The following NT5E variants were observed in gnomAD, a reference collection of about 807,000 sequenced individuals.
The protein encoded by NT5E is 5'-nucleotidase.
NT5E carries 53 observed loss-of-function variants against 55.1 expected under a neutral mutation model. That is an observed-to-expected ratio of 0.96 (90% CI 0.77 to 1.21). The LOEUF (loss-of-function observed/expected upper bound fraction) is 1.21. Among genes scored for constraint, NT5E ranks in the 50% most tolerant of loss-of-function variants. The probability of loss-of-function intolerance (pLI) is 0.00; values close to 1 mark genes in which losing one functional copy is unlikely to be tolerated. For synonymous variants in NT5E, 270 were observed against 278.4 expected (o/e 0.97, Z 0.30); for missense variants, 683 against 724.3 (o/e 0.94, Z 0.65).
rs1205839872 is a variant in NT5E, at chr6:85,487,320, T to A, written c.950-15T>A. The A allele has an allele frequency of 6.2e-7, 1 of 1,610,452 alleles. No individual in the cohort carries two copies. The highest frequency in any genetic ancestry group is 8.5e-7 in the Non-Finnish European group (1 of 1,176,716). On this transcript the variant is annotated splice_polypyrimidine_tract_variant and intron_variant, in intron 4 of 8. Transcript: ENST00000257770. ...TGAGATTTAATTGTAGGGTACCTTC[T>A]TTTCTTTCTTCTAGATCCAAGCATA...
chr6:85,459,423 C>A (rs1483036659), intron 1 of NT5E, among the ~76,000 whole-genome samples: 1 of 152,158 alleles, frequency 6.6e-6, no homozygotes, highest in African/African-American at 2.4e-5. Flanking sequence ...CAAAAAAATT[C>A]TTTTCTTCTG....
In NT5E at chr6:85,467,135, A is replaced by G. The variant is rs751654960; in HGVS notation, c.415A>G (p.Ile139Val). 6.2e-7 allele frequency: 1 copy of G among 1,614,168 alleles called. No homozygotes were observed. The highest frequency in any genetic ancestry group is 1.1e-5 in the South Asian group (1 of 91,072). Residue 139 changes from isoleucine (I) to valine (V), a missense_variant, in exon 2 of 9, where the codon ATT becomes GTT. Transcript: ENST00000257770. ...EPLLKEAKFP[I>V]LSANIKAKGP... ...ACTCCTCAAAGAGGCCAAATTTCCAATTCTGAGTGCAAACATTAAAGCAAA... is the reference window on the plus strand; with the variant it reads ...ACTCCTCAAAGAGGCCAAATTTCCAGTTCTGAGTGCAAACATTAAAGCAAA...
chr6:85,487,838 T>A (rs1769700514), intron 5 of NT5E, among the ~76,000 whole-genome samples: 1 of 152,164 alleles, frequency 6.6e-6, no homozygotes, highest in African/African-American at 2.4e-5. Flanking sequence ...CTTCTTAAGG[T>A]GCTGGAAGGA....
In NT5E at chr6:85,453,614, T is replaced by TA. The variant is rs1768933492; in HGVS notation, c.339+3137dup. On this transcript the variant is annotated intron_variant, in intron 1 of 8. Transcript: ENST00000257770. The stretch of plus-strand genomic sequence containing the variant: ...TCACCAAGACAGGCTGTGGGGAAGG[T>TA]AGCTTTGAGCAGGTCTCTAGGGTCC... Among the ~76,000 whole-genome samples, 5 of 152,152 alleles carry TA rather than the reference T, an allele frequency of 3.3e-5. No individual in the cohort carries two copies. In the South Asian group the frequency reaches 6.2e-4, roughly 19 times the overall value.
At chr6:85,485,533 A>G in intron 4 of NT5E, 101 bp downstream of exon 4, 3 of 1,150,624 alleles carry the variant, frequency 2.6e-6, no homozygotes, top group African/African-American at 1.5e-5. Flanking sequence ...GGAAAAGACT[A>G]TAATACTGTT....
At chr6:85,467,842 A>T (rs1769225786) in intron 2 of NT5E, among the ~76,000 whole-genome samples, 5 of 151,350 alleles carry the variant, frequency 3.3e-5, no homozygotes, top group Admixed American at 3.3e-4. Context: ...ATTTATAGAC[A>T]TATATACACA....
At chr6:85,482,837 T>G (rs1417429009) in intron 3 of NT5E, among the ~76,000 whole-genome samples, 1 of 152,200 alleles carries the variant, frequency 6.6e-6, no homozygotes, top group Non-Finnish European at 1.5e-5. Flanking sequence ...CTGGTTTCTG[T>G]GTCAGTGGTT....
intron 1 of NT5E, among the ~76,000 whole-genome samples, chr6:85,451,937 G>A (rs967466451): frequency 7.2e-5 from 11 of 152,216 alleles, no homozygotes; most frequent in East Asian, 3.9e-4. Flanking sequence ...AGCTCCCTCC[G>A]TTCTGATGCT....
chr6:85,467,347 A>G (rs1769217794), intron 2 of NT5E, 65 bp downstream of exon 2: 2 of 1,318,794 alleles, frequency 1.5e-6, no homozygotes, highest in Non-Finnish European at 2.2e-6. Flanking sequence ...GCTTGGCATT[A>G]TATTTATGGA....
intron 2 of NT5E, among the ~76,000 whole-genome samples, chr6:85,468,765 A>G (rs1769245543): frequency 6.6e-6 from 1 of 152,148 alleles, no homozygotes; most frequent in South Asian, 2.1e-4. Flanking sequence ...AAAGGCACCC[A>G]TAAGGAGGTA....
intron 3 of NT5E, among the ~76,000 whole-genome samples, chr6:85,473,823 A>G (rs555025824): frequency 6.6e-6 from 1 of 152,354 alleles, no homozygotes. Flanking sequence ...AAAATAATGC[A>G]TGAACACTCA....
intron 7 of NT5E, chr6:85,491,135 T>C (rs1363842824): frequency 1.9e-6 from 1 of 524,290 alleles, no homozygotes; most frequent in Non-Finnish European, 3.9e-6. Context: ...AGTCCCACTG[T>C]GACCTGGGGC....
At chr6:85,490,977 A>ATT in intron 7 of NT5E, 3 of 465,130 alleles carry the variant, frequency 6.4e-6, no homozygotes, top group Non-Finnish European at 1.3e-5. Flanking sequence ...GCATTCAATT[A>ATT]TTTTTTTTTT....
chr6:85,490,793 AC>A (rs1418568359), intron 7 of NT5E, 136 bp downstream of exon 7: 1 of 903,314 alleles, frequency 1.1e-6, no homozygotes, highest in Non-Finnish European at 1.7e-6. Context: ...CCAATACCTT[AC>A]CCTTTAATGG....
chr6:85,485,924 C>T (rs928686411), intron 4 of NT5E, among the ~76,000 whole-genome samples: 8 of 152,164 alleles, frequency 5.3e-5, no homozygotes, highest in Non-Finnish European at 1.0e-4. Context: ...TGCAATGGGG[C>T]TCTCTCTTTG....
chr6:85,463,351 T>C (rs1014023476), intron 1 of NT5E, among the ~76,000 whole-genome samples: 1 of 152,186 alleles, frequency 6.6e-6, no homozygotes, highest in Non-Finnish European at 1.5e-5. Flanking sequence ...AATGAAATGT[T>C]TGGAAAGCAA....
At position 85,494,021 on chromosome 6, in the gene NT5E, C is replaced by A; in HGVS notation, c.*17C>A. On this transcript the variant is annotated 3_prime_UTR_variant, in exon 9 of 9. Coordinates refer to ENST00000257770, the MANE Select transcript of NT5E (RefSeq NM_002526.4). ...TACCAATAGCCAAAAATTCTCCTTG[C>A]CTTTAATGTGTGAAACTGCATTTTT... 1 of 1,612,852 alleles carries A rather than the reference C, an allele frequency of 6.2e-7. No individual in the cohort carries two copies.
Position 85,495,784 on chromosome 6 carries a change from C to T in NT5E, c.*1780C>T, listed in dbSNP as rs1309270031. On this transcript the variant is annotated 3_prime_UTR_variant, in exon 9 of 9. Transcript: ENST00000257770. The stretch of plus-strand genomic sequence containing the variant: ...CCAACAATAAAATTGAAGATAAGCT[C>T]TTTGGTCTTTGATAGTTATTTCTTC... 6.6e-6 allele frequency: 1 copy of T among 152,070 alleles called. No homozygotes were observed. The highest frequency in any genetic ancestry group is 1.5e-5 in the Non-Finnish European group (1 of 68,002). 9.4% of individuals were successfully genotyped at this position (152,070 alleles called of 1,614,324 possible).
chr6:85,485,558 C>T (rs1582385476), intron 4 of NT5E, 126 bp downstream of exon 4: 2 of 996,152 alleles, frequency 2.0e-6, no homozygotes, highest in East Asian at 5.1e-5. Flanking sequence ...AATTTAGTTT[C>T]TTCCTTGAGT....
Sources: gnomAD v4.1 joint callset for allele counts (sites outside exome capture counted in the v4.1 genomes callset) on GRCh38, gnomAD v4.1.1 for gene constraint, MANE v1.5 for transcripts, NCBI Gene and HGNC (gene_info 2026-07-23, HGNC 2026-07-21) for gene names.